The following FOXN3 variants were observed in gnomAD, a reference collection of about 807,000 sequenced individuals.
The protein encoded by FOXN3 is forkhead box N3, also known as forkhead box protein N3.
In FOXN3, 7 loss-of-function variants were observed where a neutral mutation model predicts 38.4. That is an observed-to-expected ratio of 0.18 (90% CI 0.10 to 0.34). FOXN3 has a LOEUF of 0.34. Among genes scored for constraint, FOXN3 ranks in the 10% least tolerant of loss-of-function variants. FOXN3 has a pLI of 1.00. For missense variants in FOXN3, 456 were observed against 613.4 expected (o/e 0.74, Z 2.71); for synonymous variants, 230 against 242.2 (o/e 0.95, Z 0.47).
intron 1 of FOXN3, among the ~76,000 whole-genome samples, chr14:89,458,623 C>T (rs1048859909): frequency 2.0e-5 from 3 of 152,164 alleles, no homozygotes; most frequent in African/African-American, 7.2e-5. Context: ...TGAGTTTCAA[C>T]TTGGGTTTCA....
rs1887347608 is a variant in FOXN3, at chr14:89,305,625, CTG to C, written c.681-24613_681-24612del. 2.0e-5 allele frequency among the ~76,000 whole-genome samples: 3 copies of C among 152,350 alleles called. No individual in the cohort carries two copies. The East Asian group carries it at 5.8e-4, about 29-fold the overall frequency. ...TGTTGGCCCCTAATACCACGATTAG[CTG>C]TTGCCAGGCAACCATGAAGCATGCT... On this transcript the variant is annotated intron_variant, in intron 3 of 5. Transcript: ENST00000557258.
chr14:89,356,817 G>A (rs1289764549), intron 2 of FOXN3, among the ~76,000 whole-genome samples: 1 of 152,056 alleles, frequency 6.6e-6, no homozygotes, highest in Non-Finnish European at 1.5e-5. Context: ...TTATAGATGG[G>A]AAAAAACACA....
At chr14:89,220,807 C>T (rs1176705599) in intron 4 of FOXN3, among the ~76,000 whole-genome samples, 1 of 152,088 alleles carries the variant, frequency 6.6e-6, no homozygotes, top group African/African-American at 2.4e-5. Context: ...CAGAAGAATG[C>T]CCTGAGAACC....
intron 1 of FOXN3, among the ~76,000 whole-genome samples, chr14:89,533,372 T>C (rs902882087): frequency 6.6e-6 from 1 of 152,144 alleles, no homozygotes; most frequent in Middle Eastern, 3.2e-3. Context: ...CTGTCAGATA[T>C]GCAGATTCTG....
intron 3 of FOXN3, among the ~76,000 whole-genome samples, chr14:89,305,068 T>C (rs1239145961): frequency 6.6e-6 from 1 of 152,140 alleles, no homozygotes; most frequent in Non-Finnish European, 1.5e-5. Context: ...TTTTACGAAG[T>C]TGTCCTAGAA....
intron 3 of FOXN3, among the ~76,000 whole-genome samples, chr14:89,312,834 G>C (rs1204832925): frequency 1.3e-5 from 2 of 152,176 alleles, no homozygotes; most frequent in South Asian, 4.1e-4. Flanking sequence ...ATGAGCACTC[G>C]CAGTGATACC....
rs541517915 is a variant in FOXN3 at position 89,292,834 on chromosome 14, C to A, written c.681-11820G>T. Among the ~76,000 whole-genome samples, 15 of 152,316 alleles carry A rather than the reference C, an allele frequency of 9.8e-5. No individual in the cohort carries two copies. The South Asian group carries it at 3.1e-3, about 32-fold the overall frequency. ...CCCTTGATGTCACTCCAGCCTCTCT[C>A]CCCTCTCCACCGCACGACCTCCCAC... On this transcript the variant is annotated intron_variant, in intron 3 of 5. Coordinates refer to ENST00000557258, the MANE Select transcript of FOXN3 (RefSeq NM_005197.4).
At chr14:89,495,000 T>C (rs77386639) in intron 1 of FOXN3, among the ~76,000 whole-genome samples, 2,524 of 152,340 alleles carry the variant, frequency 0.017, 34 homozygotes, top group South Asian at 0.035. Context: ...ACTCATTCAC[T>C]GCACCTAAAA....
At chr14:89,180,301 G>T (rs1170754390) in intron 5 of FOXN3, among the ~76,000 whole-genome samples, 1 of 152,220 alleles carries the variant, frequency 6.6e-6, no homozygotes, top group Non-Finnish European at 1.5e-5. Flanking sequence ...GTAGGAGGCA[G>T]GAGTTTCACA....
chr14:89,584,367 C>T (rs945178408), intron 1 of FOXN3, among the ~76,000 whole-genome samples: 1 of 151,998 alleles, frequency 6.6e-6, no homozygotes, highest in Admixed American at 6.6e-5. Flanking sequence ...CACCACTGTA[C>T]GCCAGCCTGG....
intron 1 of FOXN3, among the ~76,000 whole-genome samples, chr14:89,505,863 T>G: frequency 6.8e-6 from 1 of 146,176 alleles, no homozygotes; most frequent in African/African-American, 2.6e-5. Context: ...TCATCTGAGA[T>G]GTGGGGAGCG....
intron 1 of FOXN3, among the ~76,000 whole-genome samples, chr14:89,446,465 A>C (rs2139704100): frequency 6.6e-6 from 1 of 152,056 alleles, no homozygotes; most frequent in Admixed American, 6.5e-5. Flanking sequence ...CTGAGATTAC[A>C]GGCATGAGCC....
intron 3 of FOXN3, among the ~76,000 whole-genome samples, chr14:89,331,208 C>T (rs1273782237): frequency 6.6e-6 from 1 of 152,152 alleles, no homozygotes; most frequent in East Asian, 1.9e-4. Flanking sequence ...CTCCCCATTC[C>T]CACCTTCCCC....
At chr14:89,258,028 A>G (rs1418068503) in intron 4 of FOXN3, among the ~76,000 whole-genome samples, 1 of 152,172 alleles carries the variant, frequency 6.6e-6, no homozygotes, top group Non-Finnish European at 1.5e-5. Flanking sequence ...GAGACATCAT[A>G]AAGAATGAAA....
chr14:89,554,557 T>G (rs1468029488), intron 1 of FOXN3, among the ~76,000 whole-genome samples: 1 of 152,194 alleles, frequency 6.6e-6, no homozygotes, highest in Non-Finnish European at 1.5e-5. Context: ...AATGGTAATA[T>G]CTGGATATAG....
At chr14:89,392,619 C>T (rs913055955) in intron 2 of FOXN3, among the ~76,000 whole-genome samples, 11 of 144,402 alleles carry the variant, frequency 7.6e-5, no homozygotes, top group African/African-American at 2.2e-4. Context: ...CTCCCCTGCA[C>T]ATGTGTCTGT....
At chr14:89,360,128 C>T (rs991974313) in intron 2 of FOXN3, among the ~76,000 whole-genome samples, 3 of 152,118 alleles carry the variant, frequency 2.0e-5, no homozygotes, top group African/African-American at 4.8e-5. Context: ...CCCCGGGGCC[C>T]CTGCACACTG....
At chr14:89,524,381 AAAAAAAAAAAAAAAAAAAAAAAG>A (rs1199099481) in intron 1 of FOXN3, among the ~76,000 whole-genome samples, 24 of 109,370 alleles carry the variant, frequency 2.2e-4, no homozygotes, top group South Asian at 7.8e-4. Context: ...CAAAAAAAAA[AAAAAAAAAAAAAAAAAAAAAAAG>A]AAAGAAAGAA....
At chr14:89,521,358 T>TAGAGAGAGAGAGAGAGAGAGAG (rs199686142) in intron 1 of FOXN3, among the ~76,000 whole-genome samples, 3 of 124,968 alleles carry the variant, frequency 2.4e-5, no homozygotes, top group African/African-American at 8.1e-5. Flanking sequence ...AGATGATAGA[T>TAGAGAGAGAGAGAGAGAGAGAG]AGAGAGAGAG....
Sources: gnomAD v4.1 joint callset for allele counts (sites outside exome capture counted in the v4.1 genomes callset) on GRCh38, gnomAD v4.1.1 for gene constraint, MANE v1.5 for transcripts, NCBI Gene and HGNC (gene_info 2026-07-23, HGNC 2026-07-21) for gene names.